The following CUX2 variants were observed in gnomAD, a reference collection of about 807,000 sequenced individuals.
The protein encoded by CUX2 is homeobox protein cut-like 2.
CUX2 carries 40 observed loss-of-function variants against 144.8 expected under a neutral mutation model. That is an observed-to-expected ratio of 0.28 (90% CI 0.21 to 0.36). The LOEUF (loss-of-function observed/expected upper bound fraction) is 0.36. Among genes scored for constraint, CUX2 ranks in the 10% least tolerant of loss-of-function variants. The pLI, the probability that CUX2 is intolerant of heterozygous loss-of-function variation, is 1.00. For synonymous variants in CUX2, 827 were observed against 875.6 expected, an observed-to-expected ratio of 0.94 and a Z score of 0.98; for missense variants, 1,615 against 1,994.0, an observed-to-expected ratio of 0.81 and a Z score of 3.62.
chr12:111,043,563 A>G (rs1414158579), intron 1 of CUX2, among the ~76,000 whole-genome samples: 1 of 152,208 alleles, frequency 6.6e-6, no homozygotes, highest in Admixed American at 6.5e-5. Flanking sequence ...CTGTAATCCC[A>G]GCACTTTGGG....
In CUX2 at chr12:111,293,722, A is replaced by T. The variant is rs1233891579; in HGVS notation, c.560+153A>T. Among the ~76,000 whole-genome samples, 1 of 152,144 alleles carries T rather than the reference A, an allele frequency of 6.6e-6. No individual in the cohort carries two copies. The highest frequency in any genetic ancestry group is 2.4e-5 in the African/African-American group (1 of 41,440). On this transcript the variant is annotated intron_variant, in intron 6 of 21. Coordinates refer to ENST00000261726, the MANE Select transcript of CUX2 (RefSeq NM_015267.4). This position sits in a 1 kb window ranked among gnomAD's most constrained non-coding sequence, Gnocchi z 4.5. ...AAAGGGCCGAGGGCTTTGGACTCCAACCGGGTCTGGGTTCAAGTTCCACTG... is the reference window on the plus strand; with the variant it reads ...AAAGGGCCGAGGGCTTTGGACTCCATCCGGGTCTGGGTTCAAGTTCCACTG...
intron 1 of CUX2, among the ~76,000 whole-genome samples, chr12:111,196,717 T>C (rs1566289245): frequency 6.6e-6 from 1 of 152,222 alleles, no homozygotes; most frequent in Non-Finnish European, 1.5e-5. Context: ...ACTGAGCACA[T>C]GACTATGGCT....
chr12:111,043,540 C>T (rs538022934), intron 1 of CUX2, among the ~76,000 whole-genome samples: 45 of 152,256 alleles, frequency 3.0e-4, no homozygotes, highest in African/African-American at 9.4e-4. Context: ...TGGCCGGGTG[C>T]GGTGGCTCAT....
At chr12:111,226,957 C>T (rs1205164900) in intron 3 of CUX2, among the ~76,000 whole-genome samples, 1 of 152,228 alleles carries the variant, frequency 6.6e-6, no homozygotes, top group Non-Finnish European at 1.5e-5. Context: ...GGCCGCTGGG[C>T]GTGCATCCAT....
At chr12:111,043,237 G>A (rs1000899376) in intron 1 of CUX2, among the ~76,000 whole-genome samples, 7 of 152,174 alleles carry the variant, frequency 4.6e-5, no homozygotes, top group South Asian at 2.1e-4. Flanking sequence ...AGTAGATTCC[G>A]AGACAGTATA....
chr12:111,245,100 A>G (rs1883215798), intron 3 of CUX2, among the ~76,000 whole-genome samples: 1 of 152,192 alleles, frequency 6.6e-6, no homozygotes, highest in South Asian at 2.1e-4. Context: ...CACAGAGCAT[A>G]GGGGATACAG....
At chr12:111,299,246 C>T (rs1485569555) in intron 9 of CUX2, among the ~76,000 whole-genome samples, 1 of 152,232 alleles carries the variant, frequency 6.6e-6, no homozygotes, top group African/African-American at 2.4e-5. Context: ...TGCGGGCCCG[C>T]ACTGTGGCAG....
At chr12:111,342,326 C>T (rs1888615722) in intron 21 of CUX2, among the ~76,000 whole-genome samples, 1 of 151,922 alleles carries the variant, frequency 6.6e-6, no homozygotes, top group Non-Finnish European at 1.5e-5. Context: ...AAAAAAACTA[C>T]AAAAATTAGT....
chr12:111,238,365 T>C (rs774378777), intron 3 of CUX2, among the ~76,000 whole-genome samples: 1 of 152,228 alleles, frequency 6.6e-6, no homozygotes, highest in Non-Finnish European at 1.5e-5. Flanking sequence ...TGTTGACACA[T>C]AATAATGTTG....
At chr12:111,296,668 CAGTA>C in intron 8 of CUX2, 129 bp downstream of exon 8, 1 of 692,896 alleles carries the variant, frequency 1.4e-6, no homozygotes. Flanking sequence ...TCTGACCCTC[CAGTA>C]CTTGCCTCCA....
At chr12:111,134,608 C>CTGTGTGTGTG (rs1385633104) in intron 1 of CUX2, among the ~76,000 whole-genome samples, 18 of 137,930 alleles carry the variant, frequency 1.3e-4, no homozygotes, top group African/African-American at 5.7e-4. Flanking sequence ...CTCTCTCTCT[C>CTGTGTGTGTG]TCTCTCTCTC....
chr12:111,261,657 G>A (rs531567470), intron 3 of CUX2, among the ~76,000 whole-genome samples: 1 of 152,204 alleles, frequency 6.6e-6, no homozygotes, highest in South Asian at 2.1e-4. Context: ...TCCCAGCACT[G>A]TGGGAGGCCG....
chr12:111,192,241 C>T (rs1043657481), intron 1 of CUX2, among the ~76,000 whole-genome samples: 6 of 152,024 alleles, frequency 3.9e-5, no homozygotes, highest in African/African-American at 1.4e-4. Flanking sequence ...ATTCTTCTGC[C>T]TCAGCCTCCT....
At chr12:111,081,889 TGA>T (rs1871914682) in intron 1 of CUX2, among the ~76,000 whole-genome samples, 2 of 152,144 alleles carry the variant, frequency 1.3e-5, no homozygotes, top group African/African-American at 4.8e-5. Flanking sequence ...CCACTTTGCC[TGA>T]GAGAGGGCAG....
chr12:111,238,961 CTTGA>C (rs1460851764), intron 3 of CUX2, among the ~76,000 whole-genome samples: 1 of 152,230 alleles, frequency 6.6e-6, no homozygotes, highest in African/African-American at 2.4e-5. Context: ...TTGAGAATCC[CTTGA>C]ACCTGGGAGG....
At chr12:111,064,091 A>G (rs181278123) in intron 1 of CUX2, among the ~76,000 whole-genome samples, 3 of 152,352 alleles carry the variant, frequency 2.0e-5, no homozygotes, top group African/African-American at 4.8e-5. Context: ...AAATCAAGGT[A>G]GAAGGAGCCT....
chr12:111,306,838 C>T (rs560847066), intron 10 of CUX2, 83 bp from the exon 11 acceptor site: 8 of 1,175,824 alleles, frequency 6.8e-6, no homozygotes, highest in African/African-American at 1.5e-5. Context: ...TTGCATTCTG[C>T]TTGGGATTCA....
intron 1 of CUX2, among the ~76,000 whole-genome samples, chr12:111,050,815 A>C (rs893908126): frequency 1.3e-5 from 2 of 152,214 alleles, no homozygotes; most frequent in Non-Finnish European, 2.9e-5. Flanking sequence ...GGTTATTAAA[A>C]ACTTGTTAAG....
intron 1 of CUX2, among the ~76,000 whole-genome samples, chr12:111,183,430 A>G (rs1159043807): frequency 3.3e-5 from 5 of 152,224 alleles, no homozygotes; most frequent in African/African-American, 4.8e-5. Context: ...TGTGCAAGGA[A>G]ATCTCAGGGT....
Sources: allele counts gnomAD v4.1 joint callset (sites outside exome capture counted in the v4.1 genomes callset), GRCh38; gene constraint gnomAD v4.1.1; non-coding constraint Gnocchi (gnomAD v3.1); transcripts MANE v1.5; gene names NCBI Gene and HGNC (gene_info 2026-07-23, HGNC 2026-07-21).